The following SCRN1 variants were observed in gnomAD, a reference collection of about 807,000 sequenced individuals.
SCRN1 encodes secernin 1.
SCRN1 carries 19 observed loss-of-function variants against 43.3 expected under a neutral mutation model. That is an observed-to-expected ratio of 0.44 (90% CI 0.31 to 0.64). The LOEUF (loss-of-function observed/expected upper bound fraction) is 0.64. Ranked by LOEUF, SCRN1 falls within the 30% of genes least tolerant of loss-of-function variation. SCRN1 has a pLI of 0.09. For missense variants in SCRN1, 447 were observed against 524.1 expected, an observed-to-expected ratio of 0.85 and a Z score of 1.44; for synonymous variants, 183 against 188.9, an observed-to-expected ratio of 0.97 and a Z score of 0.26.
intron 3 of SCRN1, among the ~76,000 whole-genome samples, chr7:29,951,178 A>T (rs1391285947): frequency 6.6e-6 from 1 of 152,216 alleles, no homozygotes; most frequent in Non-Finnish European, 1.5e-5. Flanking sequence ...TGGTGACTGC[A>T]GTGGAAGCCA....
At chr7:29,932,691 T>G (rs1169838881) in intron 6 of SCRN1, among the ~76,000 whole-genome samples, 1 of 126,980 alleles carries the variant, frequency 7.9e-6, no homozygotes, top group Non-Finnish European at 1.6e-5. Flanking sequence ...ATTAGTACAC[T>G]GAGAGGAGAA....
rs967370440 is a variant in SCRN1 at position 29,920,264 on chromosome 7, T to C, written c.*3693A>G. ...CACTGCAGGAAACAGAATGATTTTC[T>C]TTTTTTTTTATTATTATTCCCTGCC... On this transcript the variant is annotated 3_prime_UTR_variant, in exon 8 of 8. Coordinates refer to ENST00000242059, the MANE Select transcript of SCRN1 (RefSeq NM_014766.5). 1 of 149,854 alleles carries C rather than the reference T, an allele frequency of 6.7e-6. No individual in the cohort carries two copies. Among genetic ancestry groups the C allele is most frequent in the African/African-American group, 2.5e-5 (1 of 40,556 alleles). The allele number at this position is 149,854 out of a possible 1,614,324, so 9.3% of individuals were successfully genotyped here.
At chr7:29,964,081 G>A (rs1400107289) in intron 2 of SCRN1, among the ~76,000 whole-genome samples, 2 of 152,160 alleles carry the variant, frequency 1.3e-5, no homozygotes, top group Non-Finnish European at 2.9e-5. Flanking sequence ...ACTTCTTACT[G>A]TGAACCTTTT....
intron 6 of SCRN1, among the ~76,000 whole-genome samples, chr7:29,935,526 C>T (rs1787295250): frequency 1.3e-5 from 2 of 152,240 alleles, no homozygotes; most frequent in Admixed American, 1.3e-4. Flanking sequence ...CTGGAATGGG[C>T]AGGCTTCTAG....
intron 6 of SCRN1, 132 bp downstream of exon 6, chr7:29,936,424 C>T (rs1370731977): frequency 2.7e-6 from 2 of 731,012 alleles, no homozygotes; most frequent in Non-Finnish European, 4.3e-6. Flanking sequence ...ACTGCCCACA[C>T]TGAAGCTGAC....
At chr7:29,990,199 C>G (rs1170917894), upstream of SCRN1, 2 of 1,551,556 alleles carry the variant, frequency 1.3e-6, no homozygotes, top group East Asian at 4.9e-5. Context: ...ACTCGCACGT[C>G]CAAGTCGAGT....
At chr7:29,982,946 CTCT>C (rs1379671261) in intron 1 of SCRN1, among the ~76,000 whole-genome samples, 1 of 151,838 alleles carries the variant, frequency 6.6e-6, no homozygotes, top group African/African-American at 2.4e-5. Flanking sequence ...TCAAGCAATT[CTCT>C]TGCCTCAGCC....
rs558499478 is a variant in SCRN1 at position 29,957,429 on chromosome 7, T to C, written c.160-2069A>G. ...ACCCAGCCCAGCTCTGCTTTTCCTC[T>C]TTGCCGTTCCATTCCATTTATCCCC... On this transcript the variant is annotated intron_variant, in intron 2 of 7. Transcript: ENST00000242059. Among the ~76,000 whole-genome samples, 11 of 152,364 alleles carry C rather than the reference T, an allele frequency of 7.2e-5. No homozygotes were observed. The East Asian group carries it at 2.1e-3, about 29-fold the overall frequency.
intron 2 of SCRN1, among the ~76,000 whole-genome samples, chr7:29,966,152 C>CGAGAGAGAGA (rs1788483758): frequency 4.4e-5 from 1 of 22,770 alleles, no homozygotes. Context: ...AGAGAGAGAC[C>CGAGAGAGAGA]GAGAGACAGA....
chr7:29,922,852 T>C lies in SCRN1; in HGVS notation c.*1105A>G, dbSNP rs962747485. On this transcript the variant is annotated 3_prime_UTR_variant, in exon 8 of 8. Transcript: ENST00000242059. ...TCTTCCCAATGCTAAGCCCATCTGG[T>C]CTTCCTTGCATGCTTTTCTATGCTC... The C allele has an allele frequency of 2.0e-5, 3 of 152,312 alleles. No homozygotes were observed. Among genetic ancestry groups the C allele is most frequent in the Non-Finnish European group, 4.4e-5 (3 of 68,096 alleles). The allele number at this position is 152,312 out of a possible 1,614,324, so 9.4% of individuals were successfully genotyped here.
intron 1 of SCRN1, among the ~76,000 whole-genome samples, chr7:29,978,397 T>C (rs537537742): frequency 6.6e-6 from 1 of 152,304 alleles, no homozygotes; most frequent in African/African-American, 2.4e-5. Context: ...CAACAGGGCC[T>C]GTATTTCCTA....
At position 29,950,485 on chromosome 7, in the gene SCRN1, C is replaced by T. The variant is rs994354041; in HGVS notation, c.341+4694G>A. 6.6e-6 allele frequency among the ~76,000 whole-genome samples: 1 copy of T among 152,190 alleles called. No homozygotes were observed. The highest frequency in any genetic ancestry group is 2.4e-5 in the African/African-American group (1 of 41,440). ...TTTCCTGGGCGGAAAGGAGCAGGTC[C>T]CCAGTGAAACCCCACCTTCAAGCCA... On this transcript the variant is annotated intron_variant, in intron 3 of 7. Coordinates refer to ENST00000242059, the MANE Select transcript of SCRN1 (RefSeq NM_014766.5). This position sits in a 1 kb window ranked among gnomAD's most constrained non-coding sequence, Gnocchi z 4.5.
At chr7:29,940,936 A>C in intron 4 of SCRN1, 60 bp from the exon 5 acceptor site, 3 of 1,323,842 alleles carry the variant, frequency 2.3e-6, no homozygotes, top group Non-Finnish European at 3.0e-6. Context: ...TAATCAACAA[A>C]TGGAAATGTA....
intron 7 of SCRN1, among the ~76,000 whole-genome samples, chr7:29,924,666 A>G: frequency 6.6e-6 from 1 of 151,978 alleles, no homozygotes; most frequent in Admixed American, 6.6e-5. Context: ...AACTGGGCTC[A>G]TTTCTATCCT....
intron 1 of SCRN1, among the ~76,000 whole-genome samples, chr7:29,977,961 C>T (rs555750715): frequency 1.2e-4 from 18 of 152,340 alleles, no homozygotes; most frequent in African/African-American, 4.3e-4. Context: ...TTTGTCAAAG[C>T]CTATCTGTTC....
At chr7:29,933,033 C>T (rs532222513) in intron 6 of SCRN1, among the ~76,000 whole-genome samples, 4 of 152,108 alleles carry the variant, frequency 2.6e-5, no homozygotes, top group East Asian at 1.9e-4. Context: ...TGCACCACCA[C>T]GCCTGGCTAA....
chr7:29,932,714 A>G (rs914738933), intron 6 of SCRN1, among the ~76,000 whole-genome samples: 7 of 151,022 alleles, frequency 4.6e-5, no homozygotes, highest in Non-Finnish European at 1.0e-4. Flanking sequence ...GGAGGAAACA[A>G]AAGACACACA....
chr7:29,969,334 G>C (rs1404361239), intron 1 of SCRN1: 3 of 461,932 alleles, frequency 6.5e-6, no homozygotes, highest in African/African-American at 5.9e-5. Flanking sequence ...AAAGTGCAGT[G>C]ATGTGGGAGA....
At chr7:29,943,952 C>T in intron 4 of SCRN1, 25 bp downstream of exon 4, 1 of 1,611,800 alleles carries the variant, frequency 6.2e-7, no homozygotes, top group Non-Finnish European at 8.5e-7. Context: ...GTCCTCAGAA[C>T]TCTCCATCAT....
Sources: gnomAD v4.1 joint callset for allele counts (sites outside exome capture counted in the v4.1 genomes callset) on GRCh38, gnomAD v4.1.1 for gene constraint, Gnocchi (gnomAD v3.1) non-coding constraint, MANE v1.5 for transcripts, NCBI Gene and HGNC (gene_info 2026-07-23, HGNC 2026-07-21) for gene names.